The following SNX10 variants were observed in gnomAD, a reference collection of about 807,000 sequenced individuals.
The protein encoded by SNX10 is sorting nexin-10.
Under a neutral mutation model 28.5 loss-of-function variants are expected in SNX10, and 25 were observed. The observed-to-expected ratio is 0.88, with a 90% CI of 0.64 to 1.22. The LOEUF is 1.22. Among genes scored for constraint, SNX10 ranks in the 50% most tolerant of loss-of-function variants. The pLI, the probability that SNX10 is intolerant of heterozygous loss-of-function variation, is 0.00. For missense variants in SNX10, 223 were observed against 242.6 expected, an observed-to-expected ratio of 0.92 and a Z score of 0.54; for synonymous variants, 62 against 81.4, an observed-to-expected ratio of 0.76 and a Z score of 1.28.
chr7:26,367,336 G>A (rs546810219), intron 5 of SNX10, among the ~76,000 whole-genome samples: 3 of 152,254 alleles, frequency 2.0e-5, no homozygotes, highest in South Asian at 2.1e-4. Context: ...CCAGGGCTAC[G>A]GCTAGATTCA....
In SNX10 at chr7:26,372,532, C is replaced by T. The variant is rs781633301; in HGVS notation, c.566C>T (p.Ser189Leu). ...GGACACAGTAGTGATGACAGCAGTT[C>T]ACATGGATGTAAAGTAAATACAGCT... ...GLGHSSDDSS[S>L]HGCKVNTAPQ... The change falls in exon 7 of 7, where the codon TCA (serine) becomes TTA (leucine). Residue 189 changes from serine (S) to leucine (L), a missense_variant. Ser to Leu is a moderately radical substitution (Grantham distance 145, BLOSUM62 -2). Transcript: ENST00000338523. 8 of 1,610,134 alleles carry T rather than the reference C, an allele frequency of 5.0e-6. No homozygotes were observed. The highest frequency in any genetic ancestry group is 2.5e-6 in the Non-Finnish European group (3 of 1,176,500).
intron 1 of SNX10, among the ~76,000 whole-genome samples, chr7:26,310,927 C>T (rs1345625056): frequency 6.6e-6 from 1 of 152,106 alleles, no homozygotes; most frequent in African/African-American, 2.4e-5. Context: ...TCGTGATCCG[C>T]CCACCTCGGC....
chr7:26,296,995 C>T (rs566356138), intron 1 of SNX10, among the ~76,000 whole-genome samples: 2 of 152,338 alleles, frequency 1.3e-5, no homozygotes, highest in African/African-American at 4.8e-5. Context: ...GATTAGATCC[C>T]TGACTCATAC....
intron 1 of SNX10, among the ~76,000 whole-genome samples, chr7:26,344,053 T>C (rs1788280776): frequency 6.6e-6 from 1 of 152,190 alleles, no homozygotes; most frequent in African/African-American, 2.4e-5. Context: ...TTCACATTGT[T>C]GTGCCGTTGA....
At chr7:26,315,259 T>A (rs1343118618) in intron 1 of SNX10, among the ~76,000 whole-genome samples, 1 of 152,196 alleles carries the variant, frequency 6.6e-6, no homozygotes, top group South Asian at 2.1e-4. Flanking sequence ...TTTTTCTAGA[T>A]AACTATAATG....
chr7:26,318,385 A>G (rs1163040262), intron 1 of SNX10, among the ~76,000 whole-genome samples: 2 of 152,172 alleles, frequency 1.3e-5, no homozygotes, highest in Admixed American at 1.3e-4. Context: ...TTGGAATAAT[A>G]TCGTTTTTTA....
chr7:26,326,459 G>C (rs1052970900), intron 1 of SNX10, among the ~76,000 whole-genome samples: 2 of 152,002 alleles, frequency 1.3e-5, no homozygotes, highest in Non-Finnish European at 2.9e-5. Context: ...GCATCTTCTT[G>C]CCTCCCTACA....
chr7:26,309,356 T>C (rs1368271989), intron 1 of SNX10, among the ~76,000 whole-genome samples: 1 of 136,828 alleles, frequency 7.3e-6, no homozygotes, highest in Non-Finnish European at 1.6e-5. Context: ...CAAGGAGTGT[T>C]ACTTAATCAT....
chr7:26,366,187 C>T (rs1477280452), intron 5 of SNX10, among the ~76,000 whole-genome samples: 1 of 152,186 alleles, frequency 6.6e-6, no homozygotes, highest in African/African-American at 2.4e-5. Context: ...AAGTCATCTC[C>T]TTTGGGGTTC....
intron 1 of SNX10, among the ~76,000 whole-genome samples, chr7:26,305,559 A>G (rs1450238764): frequency 1.3e-5 from 2 of 152,192 alleles, no homozygotes; most frequent in African/African-American, 2.4e-5. Context: ...TCTCACAGCA[A>G]ACAACTTGGG....
At chr7:26,346,597 T>C in intron 2 of SNX10, 131 bp downstream of exon 2, 2 of 743,034 alleles carry the variant, frequency 2.7e-6, no homozygotes, top group South Asian at 3.0e-5. Context: ...CCCACCCTCC[T>C]GTACCTGCTC....
At chr7:26,323,397 G>A (rs570362500) in intron 1 of SNX10, among the ~76,000 whole-genome samples, 3 of 152,318 alleles carry the variant, frequency 2.0e-5, no homozygotes, top group East Asian at 1.9e-4. Flanking sequence ...TAGGGAAAAA[G>A]CATTCCAAGA....
chr7:26,304,341 C>G (rs945869162), intron 1 of SNX10, among the ~76,000 whole-genome samples: 1 of 152,210 alleles, frequency 6.6e-6, no homozygotes, highest in African/African-American at 2.4e-5. Flanking sequence ...ACCCCCTTGC[C>G]CCGAATCTCA....
chr7:26,354,200 C>T (rs1788726397), intron 2 of SNX10: 1 of 152,208 alleles, frequency 6.6e-6, no homozygotes, highest in African/African-American at 2.4e-5. Context: ...TATGATATAT[C>T]ATTGTAGGGT....
At position 26,369,037 on chromosome 7, in the gene SNX10, G is replaced by GA. The variant is rs1295939325; in HGVS notation, c.312-2776dup. Among the ~76,000 whole-genome samples the GA allele has an allele frequency of 6.6e-5, 10 of 151,874 alleles. No homozygotes were observed. The South Asian group carries it at 1.0e-3, about 16-fold the overall frequency. The stretch of plus-strand genomic sequence containing the variant: ...GCTTTTCAACTGTGTCCAGTTTAGG[G>GA]AAAAAAAACAGATTTTGCTTTGTTT... On this transcript the variant is annotated intron_variant, in intron 5 of 6. Transcript: ENST00000338523.
In SNX10 at chr7:26,364,240, A is replaced by G; in HGVS notation, c.112-295A>G. The G allele has an allele frequency of 2.8e-6, 2 of 710,860 alleles. No individual in the cohort carries two copies. Among genetic ancestry groups the G allele is most frequent in the African/African-American group, 3.7e-5 (2 of 53,520 alleles). The allele number at this position is 710,860 out of a possible 1,614,324, so 44.0% of individuals were successfully genotyped here. ...TGTTAGGATTTATTTTTTATGATTT[A>G]TTCTTGAAAGCAGTGCTCATAGGTG... On this transcript the variant is annotated intron_variant, in intron 3 of 6. Transcript: ENST00000338523. The surrounding 1 kb of genome is among the most constrained non-coding windows in gnomAD (Gnocchi z 4.9).
intron 2 of SNX10, chr7:26,354,241 C>T (rs771663897): frequency 3.9e-5 from 6 of 152,182 alleles, no homozygotes; most frequent in East Asian, 1.9e-4. Flanking sequence ...TTAACGATGT[C>T]GAACATCTTT....
chr7:26,313,204 C>T (rs1786921300), intron 1 of SNX10, among the ~76,000 whole-genome samples: 2 of 152,162 alleles, frequency 1.3e-5, no homozygotes. Context: ...GATACCTGCC[C>T]CCACTTTTTA....
At chr7:26,307,801 G>A (rs1254049504) in intron 1 of SNX10, among the ~76,000 whole-genome samples, 1 of 152,008 alleles carries the variant, frequency 6.6e-6, no homozygotes, top group African/African-American at 2.4e-5. Context: ...TCAGCACCGT[G>A]GGGGTACATT....
Sources: allele counts gnomAD v4.1 joint callset (sites outside exome capture counted in the v4.1 genomes callset), GRCh38; gene constraint gnomAD v4.1.1; non-coding constraint Gnocchi (gnomAD v3.1); transcripts MANE v1.5; gene names NCBI Gene and HGNC (gene_info 2026-07-23, HGNC 2026-07-21).